WRN: variants seen among roughly 807,000 people sequenced by gnomAD.
WRN encodes bifunctional 3'-5' exonuclease/ATP-dependent helicase WRN.
WRN carries 149 observed loss-of-function variants against 180.7 expected under a neutral mutation model. The ratio of observed to expected loss-of-function variants is 0.82; its 90% CI spans 0.72 to 0.94. WRN has a LOEUF of 0.94. WRN is among the 40% of genes least tolerant of loss of function. WRN has a pLI of 0.00. For missense variants in WRN, 1,661 were observed against 1,700.1 expected, an observed-to-expected ratio of 0.98 and a Z score of 0.40; for synonymous variants, 548 against 568.9, an observed-to-expected ratio of 0.96 and a Z score of 0.52.
rs757172649 is a variant in WRN, at chr8:31,157,407, A to G, written c.3859A>G (p.Ile1287Val). The G allele has an allele frequency of 2.6e-5, 42 of 1,613,936 alleles. No homozygotes were observed. Among genetic ancestry groups the G allele is most frequent in the Non-Finnish European group, 3.1e-5 (37 of 1,180,016 alleles). The change falls in exon 33 of 35, where the codon ATT (isoleucine) becomes GTT (valine). Residue 1287 changes from isoleucine (I) to valine (V), a missense_variant. Ile to Val is a conservative substitution (Grantham distance 29, BLOSUM62 3). Around this residue, in one of 3 missense-constraint regions of WRN, gnomAD observed 1,141 missense variants for 1,149.4 expected, o/e 0.99. Transcript: ENST00000298139. ...AESRILPLMT[I>V]GMHLSQAVKA... is the part of the protein sequence containing the mutation. Reference sequence around the variant, plus strand: ...GAGCAGGATTCTGCCTCTCATGACAATTGGCATGCACTTATCCCAAGCGGT... The same window carrying G: ...GAGCAGGATTCTGCCTCTCATGACAGTTGGCATGCACTTATCCCAAGCGGT...
chr8:31,056,647 G>A (rs1284468099), intron 1 of WRN, among the ~76,000 whole-genome samples: 1 of 152,134 alleles, frequency 6.6e-6, no homozygotes, highest in African/African-American at 2.4e-5. Context: ...AGGACACGTT[G>A]TAGTTTTGTA....
intron 34 of WRN, among the ~76,000 whole-genome samples, chr8:31,170,009 G>A (rs1162060565): frequency 6.6e-6 from 1 of 152,096 alleles, no homozygotes; most frequent in African/African-American, 2.4e-5. Context: ...TCTTTCCAGT[G>A]TATGCCTGTG....
intron 19 of WRN, among the ~76,000 whole-genome samples, chr8:31,113,509 G>C (rs1801398630): frequency 6.6e-6 from 1 of 152,170 alleles, no homozygotes; most frequent in African/African-American, 2.4e-5. Flanking sequence ...AAGAGGAAAA[G>C]TTCTTTTGAA....
At chr8:31,143,019 T>C (rs954803908) in intron 27 of WRN, among the ~76,000 whole-genome samples, 2 of 121,836 alleles carry the variant, frequency 1.6e-5, no homozygotes, top group African/African-American at 3.1e-5. Context: ...AGTGTTCTTA[T>C]TAAAGACACA....
Position 31,064,350 on chromosome 8 carries a change from A to G in WRN, c.271A>G (p.Arg91Gly), listed in dbSNP as rs2130032437. The G allele has an allele frequency of 6.2e-7, 1 of 1,614,152 alleles. No individual in the cohort carries two copies. Among genetic ancestry groups the G allele is most frequent in the Non-Finnish European group, 8.5e-7 (1 of 1,180,008 alleles). ...FDMEWPPLYN[R>G]GKLGKVALIQ... The stretch of plus-strand genomic sequence containing the variant: ...CATGGAGTGGCCACCATTATACAAT[A>G]GAGGGAAACTTGGCAAAGTTGCACT... Residue 91 changes from arginine (R) to glycine (G), a missense_variant, in exon 4 of 35, where the codon AGA becomes GGA. By Grantham distance (125) the Arg-to-Gly change is moderately radical. This residue lies in a region of WRN where 500 missense variants were observed against 504.1 expected (regional missense o/e 0.99). Coordinates refer to ENST00000298139, the MANE Select transcript of WRN (RefSeq NM_000553.6).
At position 31,123,142 on chromosome 8, in the gene WRN, G is replaced by A. The variant is rs928552072; in HGVS notation, c.2631-1380G>A. On this transcript the variant is annotated intron_variant, in intron 21 of 34. Transcript: ENST00000298139. ...TGTGCCATCCCACTCAGTCTGCCTCGACTTCCCTTAGAATCATCCCTTTGT... is the reference window on the plus strand; with the variant it reads ...TGTGCCATCCCACTCAGTCTGCCTCAACTTCCCTTAGAATCATCCCTTTGT... Among the ~76,000 whole-genome samples the A allele has an allele frequency of 6.1e-4, 93 of 151,958 alleles. 1 individual carries two copies. Among genetic ancestry groups the A allele is most frequent in the African/African-American group, 2.2e-3 (92 of 41,476 alleles).
At chr8:31,088,813 A>C in intron 12 of WRN, 77 bp from the exon 13 acceptor site, 1 of 1,225,030 alleles carries the variant, frequency 8.2e-7, no homozygotes, top group South Asian at 1.3e-5. Context: ...CAAAGAAGCC[A>C]ATGAAATAAA....
In WRN at chr8:31,143,574, T is replaced by C. The variant is rs1213099634; in HGVS notation, c.3334T>C (p.Tyr1112His). The C allele has an allele frequency of 3.1e-6, 5 of 1,594,348 alleles. No individual in the cohort carries two copies. Among genetic ancestry groups the C allele is most frequent in the Middle Eastern group, 1.7e-4 (1 of 6,016 alleles). Residue 1112 changes from tyrosine (Y) to histidine (H), a missense_variant, in exon 28 of 35, where the codon TAT (tyrosine) becomes CAT (histidine). Physicochemically the swap from Tyr to His is moderately conservative, Grantham distance 83. Coordinates refer to ENST00000298139, the MANE Select transcript of WRN (RefSeq NM_000553.6). ...KKSNLEKLYSYKPCDKISSGS... is the reference protein window; with the variant it reads ...KKSNLEKLYSHKPCDKISSGS... ...GTCTAACTTGGAGAAGTTATATTCT[T>C]ATAAACCATGTGATAAGATTTCTTC...
rs1430332027 is a variant in WRN at position 31,174,231 on chromosome 8, C to T, written c.*1129C>T. ...AAATATGTGATATGTTGTTGTCCAG[C>T]CATGGCTTCTGCATTTGCATGCTTT... On this transcript the variant is annotated 3_prime_UTR_variant, in exon 35 of 35. Transcript: ENST00000298139. Among the ~76,000 whole-genome samples the T allele has an allele frequency of 6.6e-6, 1 of 152,192 alleles. No homozygotes were observed. Among genetic ancestry groups the T allele is most frequent in the Non-Finnish European group, 1.5e-5 (1 of 68,036 alleles).
At chr8:31,168,605 A>T (rs1299610376) in intron 34 of WRN, among the ~76,000 whole-genome samples, 1 of 150,784 alleles carries the variant, frequency 6.6e-6, no homozygotes, top group African/African-American at 2.4e-5. Context: ...CATTTAGGGG[A>T]ACAAGGGTGT....
rs536021969 is a variant in WRN, at chr8:31,047,297, C to T, written c.-76-11075C>T. On this transcript the variant is annotated intron_variant, in intron 1 of 34. Transcript: ENST00000298139. ...AGCTGGGACTACAGATGTGTGCCAT[C>T]GCACCTGGCTCATTTTTGTATTTTT... Among the ~76,000 whole-genome samples the T allele has an allele frequency of 8.5e-5, 13 of 152,148 alleles. No individual in the cohort carries two copies. In the East Asian group the frequency reaches 2.1e-3, roughly 25 times the overall value.
chr8:31,127,538 T>C (rs1262309088), intron 23 of WRN, among the ~76,000 whole-genome samples: 1 of 13,680 alleles, frequency 7.3e-5, no homozygotes, highest in Non-Finnish European at 2.2e-4. Context: ...CTCTGTGTAA[T>C]GACAAATACT....
intron 27 of WRN, among the ~76,000 whole-genome samples, chr8:31,143,056 T>TTC (rs386724139): frequency 0.65 from 74,866 of 115,256 alleles, 19,078 homozygotes; most frequent in South Asian, 0.75. Flanking sequence ...CACACACACA[T>TTC]TCTCTCTCTC....
Position 31,150,473 on chromosome 8 carries a change from G to T in WRN, c.3687+18G>T, listed in dbSNP as rs1207028316. 1 of 1,607,220 alleles carries T rather than the reference G, an allele frequency of 6.2e-7. No homozygotes were observed. ...GTGTTCAGGTAAAATACTGTGGTTT[G>T]CAGGAGCTCTTAGAGAATAAGCATT... On this transcript the variant is annotated intron_variant, in intron 31 of 34. Transcript: ENST00000298139.
chr8:31,045,036 A>G (rs1267234516), intron 1 of WRN, among the ~76,000 whole-genome samples: 2 of 152,214 alleles, frequency 1.3e-5, no homozygotes, highest in Admixed American at 6.5e-5. Context: ...ATTACTGCAT[A>G]TGGTCAATCT....
intron 17 of WRN, among the ~76,000 whole-genome samples, chr8:31,098,168 T>A (rs941228441): frequency 6.6e-6 from 1 of 152,180 alleles, no homozygotes; most frequent in Non-Finnish European, 1.5e-5. Flanking sequence ...ATTGACATAC[T>A]GTATTTTTTG....
At chr8:31,076,446 T>C (rs1349333901) in intron 8 of WRN, among the ~76,000 whole-genome samples, 159 bp downstream of exon 8, 1 of 152,188 alleles carries the variant, frequency 6.6e-6, no homozygotes, top group East Asian at 1.9e-4. Context: ...GAAATATCTT[T>C]CCAGTTGTTG....
At chr8:31,142,024 A>G (rs564714145) in intron 26 of WRN, among the ~76,000 whole-genome samples, 3 of 152,024 alleles carry the variant, frequency 2.0e-5, no homozygotes, top group Non-Finnish European at 4.4e-5. Flanking sequence ...ATCATAGCTT[A>G]CTGCAGCCTC....
In WRN at chr8:31,173,815, T is replaced by A. The variant is rs1804187864; in HGVS notation, c.*713T>A. On this transcript the variant is annotated 3_prime_UTR_variant, in exon 35 of 35. Transcript: ENST00000298139. ...TAATTATTTTAAGTACCTTTATTTT[T>A]CCAGGATGTCAGAATTTGATTCTAA... The A allele has an allele frequency of 6.6e-6, 1 of 152,506 alleles. No homozygotes were observed. The highest frequency in any genetic ancestry group is 2.1e-4 in the South Asian group (1 of 4,838). 9.4% of individuals were successfully genotyped at this position (152,506 alleles called of 1,614,324 possible). A position where few individuals can be genotyped will look rare whatever the true frequency, so the allele number is the denominator to read the frequency against.
Sources: gnomAD v4.1 joint callset for allele counts (sites outside exome capture counted in the v4.1 genomes callset) on GRCh38, gnomAD v4.1.1 for gene constraint, gnomAD v4.1.1 regional missense constraint, MANE v1.5 for transcripts, NCBI Gene and HGNC (gene_info 2026-07-23, HGNC 2026-07-21) for gene names.